The following DNAH11 variants were observed in gnomAD, a reference collection of about 807,000 sequenced individuals.
DNAH11 encodes the protein axonemal beta dynein heavy chain 11.
DNAH11 carries 442 observed loss-of-function variants against 526.0 expected under a neutral mutation model. That is an observed-to-expected ratio of 0.84 (90% confidence interval 0.78 to 0.91). The LOEUF (loss-of-function observed/expected upper bound fraction) is 0.91, where lower values mean the gene tolerates loss of function less well. Ranked by LOEUF, DNAH11 falls within the 40% of genes least tolerant of loss-of-function variation. DNAH11 has a pLI of 0.00. For synonymous variants in DNAH11, 2,461 were observed against 1,935.9 expected (o/e 1.27, Z -7.12); for missense variants, 6,989 against 5,448.7 (o/e 1.28, Z -8.90).
intron 29 of DNAH11, among the ~76,000 whole-genome samples, chr7:21,657,784 C>T (rs73271689): frequency 0.053 from 8,050 of 152,126 alleles, 587 homozygotes; most frequent in Admixed American, 0.22. Context: ...GAGGGAAGGC[C>T]CTTAAGAAGA....
Position 21,808,027 on chromosome 7 carries a change from G to A in DNAH11, c.10310G>A (p.Trp3437Ter). ...CGCCAGGAGCTGGTGCACTGCAAGT[G>A]GGTTCCCTTTCTTCAACAGAAGGTA... ...QYRQELVHCK[W>*]VPFLQQKVSI... The change falls in exon 63 of 82, where the codon TGG becomes TAG. Residue 3437 changes from tryptophan (W) to a stop codon, truncating the protein, a stop_gained. Transcript: ENST00000409508. LOFTEE classifies it high-confidence loss of function. The A allele has an allele frequency of 6.4e-7, 1 of 1,554,134 alleles. No individual in the cohort carries two copies. The highest frequency in any genetic ancestry group is 8.8e-7 in the Non-Finnish European group (1 of 1,140,140).
At chr7:21,616,400 T>C (rs1562703400) in intron 22 of DNAH11, 108 bp downstream of exon 22, 2 of 809,696 alleles carry the variant, frequency 2.5e-6, no homozygotes, top group Non-Finnish European at 3.8e-6. Context: ...ACTTATTTAC[T>C]TCTAACAGAG....
intron 20 of DNAH11, among the ~76,000 whole-genome samples, chr7:21,610,524 C>G (rs568446015): frequency 1.3e-5 from 2 of 152,080 alleles, no homozygotes; most frequent in South Asian, 4.2e-4. Flanking sequence ...AATGAACACA[C>G]CATTACGCAT....
At chr7:21,812,403 G>A (rs1247154576) in intron 63 of DNAH11, among the ~76,000 whole-genome samples, 1 of 152,126 alleles carries the variant, frequency 6.6e-6, no homozygotes, top group Non-Finnish European at 1.5e-5. Flanking sequence ...GCCGGGTGTG[G>A]TGGCTCACGT....
At chr7:21,672,185 T>A (rs375551966) in intron 30 of DNAH11, among the ~76,000 whole-genome samples, 1 of 152,192 alleles carries the variant, frequency 6.6e-6, no homozygotes, top group African/African-American at 2.4e-5. Flanking sequence ...GTATTATGTC[T>A]TGTTAGAAAG....
chr7:21,751,996 G>A (rs1233463120), intron 54 of DNAH11, among the ~76,000 whole-genome samples: 1 of 152,212 alleles, frequency 6.6e-6, no homozygotes, highest in African/African-American at 2.4e-5. Flanking sequence ...GCTCAGAGCT[G>A]CAGAATCAAC....
At chr7:21,557,043 A>G (rs1252995408) in intron 2 of DNAH11, among the ~76,000 whole-genome samples, 2 of 151,460 alleles carry the variant, frequency 1.3e-5, no homozygotes, top group Non-Finnish European at 2.9e-5. Context: ...AGCCTCAGTG[A>G]CAAAGTGAGA....
rs560517671 is a variant in DNAH11, at chr7:21,864,145, C to T, written c.11374-390C>T. ...TGAATAACTACTATACCAGAATTAA[C>T]TAATAATACTGGTTCTACCTTCTGT... On this transcript the variant is annotated intron_variant, in intron 69 of 81. Coordinates refer to ENST00000409508, the MANE Select transcript of DNAH11 (RefSeq NM_001277115.2). Among the ~76,000 whole-genome samples the T allele has an allele frequency of 1.1e-4, 16 of 152,298 alleles. No individual in the cohort carries two copies. The South Asian group carries it at 3.1e-3, about 30-fold the overall frequency.
chr7:21,894,738 G>A lies in DNAH11; in HGVS notation c.12866G>A (p.Cys4289Tyr). ...TATGTTCTTGTTTGCTTCCAAGAAT[G>A]TGAGAGGATGAATATTCTCATTCGG... ...SPYVLVCFQE[C>Y]ERMNILIREI... Residue 4289 changes from cysteine to tyrosine, a missense_variant, in exon 78 of 82, where the codon TGT (cysteine) becomes TAT (tyrosine). Coordinates refer to ENST00000409508, the MANE Select transcript of DNAH11 (RefSeq NM_001277115.2). The A allele has an allele frequency of 6.2e-7, 1 of 1,612,972 alleles. No individual in the cohort carries two copies. Among genetic ancestry groups the A allele is most frequent in the Non-Finnish European group, 8.5e-7 (1 of 1,179,616 alleles).
At chr7:21,676,985 A>T (rs1782918608) in intron 30 of DNAH11, among the ~76,000 whole-genome samples, 1 of 152,232 alleles carries the variant, frequency 6.6e-6, no homozygotes, top group African/African-American at 2.4e-5. Context: ...ACAGTTCTTC[A>T]GTGGCTCTGG....
intron 65 of DNAH11, among the ~76,000 whole-genome samples, chr7:21,841,518 C>G (rs13236981): frequency 0.46 from 70,532 of 151,970 alleles, 18,823 homozygotes; most frequent in Non-Finnish European, 0.61. Context: ...TGGGTTTTCT[C>G]TTTTCCTCCT....
chr7:21,738,870 A>T lies in DNAH11; in HGVS notation c.7811+4A>T, dbSNP rs374167556. Reference sequence around the variant, plus strand: ...AGCATATTGATTATGGACATTGGTAAGCAAGTCTCTGTAGTTTACTCTCTC... The same window carrying T: ...AGCATATTGATTATGGACATTGGTATGCAAGTCTCTGTAGTTTACTCTCTC... On this transcript the variant is annotated splice_donor_region_variant and intron_variant, in intron 47 of 81. Transcript: ENST00000409508. The T allele has an allele frequency of 1.5e-4, 240 of 1,586,656 alleles. 1 individual carries two copies. In the African/African-American group the frequency reaches 3.1e-3, roughly 20 times the overall value.
chr7:21,602,601 A>G (rs1420439438), intron 18 of DNAH11, among the ~76,000 whole-genome samples: 1 of 147,246 alleles, frequency 6.8e-6, no homozygotes, highest in African/African-American at 2.6e-5. Context: ...GTGTGTGTGT[A>G]CACACATGTA....
intron 18 of DNAH11, among the ~76,000 whole-genome samples, chr7:21,605,620 G>A (rs17746167): frequency 0.02 from 2,971 of 152,260 alleles, 45 homozygotes; most frequent in Middle Eastern, 0.041. Flanking sequence ...CCAACAAGAA[G>A]GAGAATGTAC....
chr7:21,852,139 T>A (rs115920327), intron 66 of DNAH11, among the ~76,000 whole-genome samples: 1,594 of 152,286 alleles, frequency 0.01, 33 homozygotes, highest in African/African-American at 0.036. Flanking sequence ...GCGCAGTGGC[T>A]CACGCCTGTA....
intron 25 of DNAH11, among the ~76,000 whole-genome samples, chr7:21,630,096 G>A (rs1036369845): frequency 1.3e-5 from 2 of 151,336 alleles, no homozygotes; most frequent in African/African-American, 4.9e-5. Flanking sequence ...TTTGCATTGT[G>A]GTTACCATGA....
intron 40 of DNAH11, 41 bp downstream of exon 40, chr7:21,707,876 A>G: frequency 6.6e-7 from 1 of 1,523,676 alleles, no homozygotes; most frequent in Non-Finnish European, 8.8e-7. Context: ...TTTTTTTTCT[A>G]TCCAGAAAGC....
At chr7:21,624,777 A>G (rs1481621839) in intron 25 of DNAH11, among the ~76,000 whole-genome samples, 1 of 152,048 alleles carries the variant, frequency 6.6e-6, no homozygotes, top group African/African-American at 2.4e-5. Context: ...AATTTTACCA[A>G]ATGTCTTTTC....
At position 21,822,512 on chromosome 7, in the gene DNAH11, T is replaced by A. The variant is rs149033141; in HGVS notation, c.10691+4173T>A. On this transcript the variant is annotated intron_variant, in intron 65 of 81. Transcript: ENST00000409508. ...ATTTGGAGAGGACAAATATCCAAAC[T>A]GTATCACAATTCACCCATTGTTGGA... 4.1e-3 allele frequency among the ~76,000 whole-genome samples: 631 copies of A among 152,302 alleles called. 2 individuals carry two copies. Among genetic ancestry groups the A allele is most frequent in the Non-Finnish European group, 7.6e-3 (518 of 68,030 alleles).
Sources: allele counts gnomAD v4.1 joint callset (sites outside exome capture counted in the v4.1 genomes callset), GRCh38; gene constraint gnomAD v4.1.1; transcripts MANE v1.5; gene names NCBI Gene and HGNC (gene_info 2026-07-23, HGNC 2026-07-21).